The following RGS7 variants were observed in gnomAD, a reference collection of about 807,000 sequenced individuals.
RGS7 encodes the protein regulator of G-protein signaling 7.
Under a neutral mutation model 81.1 loss-of-function variants are expected in RGS7, and 27 were observed. The ratio of observed to expected loss-of-function variants is 0.33; its 90% CI spans 0.25 to 0.46. RGS7 has a LOEUF of 0.46. Among genes scored for constraint, RGS7 ranks in the 20% least tolerant of loss-of-function variants. The probability of loss-of-function intolerance (pLI) is 1.00; values close to 1 mark genes in which losing one functional copy is unlikely to be tolerated. For missense variants in RGS7, 396 were observed against 607.4 expected (o/e 0.65, Z 3.66); for synonymous variants, 208 against 207.7 (o/e 1.00, Z -0.01).
intron 2 of RGS7, among the ~76,000 whole-genome samples, chr1:241,100,569 C>G (rs1006110839): frequency 2.0e-5 from 3 of 152,012 alleles, no homozygotes; most frequent in Admixed American, 1.3e-4. Flanking sequence ...GTATTTGACT[C>G]TTAGCTCTTG....
chr1:241,077,839 C>T (rs530135733), intron 3 of RGS7, among the ~76,000 whole-genome samples: 1 of 152,272 alleles, frequency 6.6e-6, no homozygotes, highest in East Asian at 1.9e-4. Flanking sequence ...CGTGTCACCC[C>T]TACCCTGAGA....
intron 2 of RGS7, among the ~76,000 whole-genome samples, chr1:241,221,121 GAAAGAAAGAAAGAAAGA>G (rs1305842600): frequency 7.1e-6 from 1 of 140,532 alleles, no homozygotes; most frequent in African/African-American, 2.6e-5. Flanking sequence ...GGAAGGGAGG[GAAAGAAAGAAAGAAAGA>G]AAAGAAAAAA....
intron 2 of RGS7, among the ~76,000 whole-genome samples, chr1:241,100,417 A>C (rs929042605): frequency 2.6e-5 from 4 of 151,220 alleles, no homozygotes; most frequent in African/African-American, 7.3e-5. Context: ...ACATAGCTTT[A>C]GAATGGTTTT....
chr1:241,021,002 T>C (rs977529059), intron 3 of RGS7, among the ~76,000 whole-genome samples: 1 of 152,192 alleles, frequency 6.6e-6, no homozygotes. Context: ...AGTTAATGTT[T>C]ATGGTTTAAT....
chr1:241,152,541 G>A (rs142828109), intron 2 of RGS7, among the ~76,000 whole-genome samples: 1,725 of 152,260 alleles, frequency 0.011, 39 homozygotes, highest in East Asian at 0.057. Flanking sequence ...TTGTGCAGGC[G>A]TAGGTCTTGC....
At chr1:241,270,256 A>G (rs1331690141) in intron 2 of RGS7, among the ~76,000 whole-genome samples, 1 of 152,108 alleles carries the variant, frequency 6.6e-6, no homozygotes, top group Non-Finnish European at 1.5e-5. Flanking sequence ...ATTGAACTTC[A>G]GTTAGTCCAG....
chr1:241,212,898 T>A (rs756204680), intron 2 of RGS7, among the ~76,000 whole-genome samples: 1 of 152,198 alleles, frequency 6.6e-6, no homozygotes, highest in Non-Finnish European at 1.5e-5. Context: ...GGTTAGATGA[T>A]AACTCTTTGA....
intron 2 of RGS7, among the ~76,000 whole-genome samples, chr1:241,295,427 TG>T (rs2079363868): frequency 6.6e-6 from 1 of 151,556 alleles, no homozygotes; most frequent in African/African-American, 2.4e-5. Flanking sequence ...CACTCCAGCC[TG>T]GGTGACAGAG....
intron 2 of RGS7, among the ~76,000 whole-genome samples, chr1:241,251,948 T>G (rs866801215): frequency 6.6e-6 from 1 of 152,246 alleles, no homozygotes; most frequent in Middle Eastern, 3.4e-3. Context: ...CAGATTTGCA[T>G]GGTGGGGCTG....
intron 3 of RGS7, among the ~76,000 whole-genome samples, chr1:241,027,960 G>A (rs571419993): frequency 2.6e-5 from 4 of 152,190 alleles, no homozygotes; most frequent in Non-Finnish European, 5.9e-5. Context: ...GCAAGTGTAG[G>A]CTAGCTGGCT....
rs182222094 is a variant in RGS7, at chr1:241,231,374, T to G, written c.78+124325A>C. ...AATATCTTTATAAATGTGGAGTGTCTTCCTCTTAATGATTTTCTGGAACTC... is the reference window on the plus strand; with the variant it reads ...AATATCTTTATAAATGTGGAGTGTCGTCCTCTTAATGATTTTCTGGAACTC... On this transcript the variant is annotated intron_variant, in intron 2 of 18. Transcript: ENST00000440928. Among the ~76,000 whole-genome samples, 162 of 152,336 alleles carry G rather than the reference T, an allele frequency of 1.1e-3. 1 individual carries two copies. The highest frequency in any genetic ancestry group is 3.4e-3 in the Middle Eastern group (1 of 294).
At chr1:241,119,729 G>A (rs1266743958) in intron 2 of RGS7, among the ~76,000 whole-genome samples, 2 of 152,122 alleles carry the variant, frequency 1.3e-5, no homozygotes, top group African/African-American at 2.4e-5. Flanking sequence ...CAGGCTCATC[G>A]TGACAATCAC....
chr1:241,041,260 T>C (rs2060601072), intron 3 of RGS7, among the ~76,000 whole-genome samples: 1 of 152,210 alleles, frequency 6.6e-6, no homozygotes, highest in African/African-American at 2.4e-5. Context: ...TACTGGAAAG[T>C]TAAGTTTTAC....
intron 2 of RGS7, among the ~76,000 whole-genome samples, chr1:241,261,529 T>C (rs1035664093): frequency 1.3e-5 from 2 of 149,838 alleles, no homozygotes; most frequent in African/African-American, 4.9e-5. Context: ...CTCGGGAGGC[T>C]GAGGCAGGGG....
chr1:240,855,017 T>G (rs981699870), intron 9 of RGS7, among the ~76,000 whole-genome samples: 9 of 152,094 alleles, frequency 5.9e-5, no homozygotes, highest in Non-Finnish European at 2.9e-5. Context: ...TATCCACAAT[T>G]TTTCAGAGTA....
chr1:241,270,045 G>A (rs1475553137), intron 2 of RGS7, among the ~76,000 whole-genome samples: 1 of 152,130 alleles, frequency 6.6e-6, no homozygotes, highest in Non-Finnish European at 1.5e-5. Flanking sequence ...ATAAACTCAG[G>A]GACCTTGAGT....
At chr1:240,917,124 A>G (rs1672740556) in intron 6 of RGS7, among the ~76,000 whole-genome samples, 1 of 152,220 alleles carries the variant, frequency 6.6e-6, no homozygotes, top group Non-Finnish European at 1.5e-5. Flanking sequence ...GTCTCTAAAG[A>G]AAAAACCCAT....
intron 6 of RGS7, among the ~76,000 whole-genome samples, chr1:240,925,967 C>T (rs972273444): frequency 4.6e-5 from 7 of 151,902 alleles, no homozygotes; most frequent in African/African-American, 1.5e-4. Flanking sequence ...CACTTTTTAA[C>T]GGGATTGTTT....
intron 6 of RGS7, among the ~76,000 whole-genome samples, chr1:240,871,533 C>T (rs933330417): frequency 6.6e-6 from 1 of 152,188 alleles, no homozygotes; most frequent in African/African-American, 2.4e-5. Flanking sequence ...AGTATTAGAA[C>T]ACATCTTTGT....
Sources: gnomAD v4.1 joint callset for allele counts (sites outside exome capture counted in the v4.1 genomes callset) on GRCh38, gnomAD v4.1.1 for gene constraint, MANE v1.5 for transcripts, NCBI Gene and HGNC (gene_info 2026-07-23, HGNC 2026-07-21) for gene names.